FOXN2: variants seen among roughly 807,000 people sequenced by gnomAD.
FOXN2 encodes the protein forkhead box N2, also known as forkhead box protein N2.
FOXN2 carries 19 observed loss-of-function variants against 41.2 expected under a neutral mutation model. That is an observed-to-expected ratio of 0.46 (90% confidence interval 0.32 to 0.68). The LOEUF (loss-of-function observed/expected upper bound fraction) is 0.68, where lower values mean the gene tolerates loss of function less well. Ranked by LOEUF, FOXN2 falls within the 30% of genes least tolerant of loss-of-function variation. FOXN2 has a pLI of 0.03. For synonymous variants in FOXN2, 195 were observed against 176.8 expected (o/e 1.10, Z -0.82); for missense variants, 587 against 509.4 (o/e 1.15, Z -1.47).
chr2:48,331,277 A>G (rs936448114), intron 2 of FOXN2, among the ~76,000 whole-genome samples: 1 of 152,204 alleles, frequency 6.6e-6, no homozygotes, highest in Non-Finnish European at 1.5e-5. Context: ...AATATAATGG[A>G]TGAAATATAA....
intron 2 of FOXN2, among the ~76,000 whole-genome samples, chr2:48,339,321 G>A (rs1005295862): frequency 6.6e-6 from 1 of 152,142 alleles, no homozygotes; most frequent in African/African-American, 2.4e-5. Flanking sequence ...TGTGGGAGGT[G>A]ATTAGATCAT....
At chr2:48,347,233 T>G (rs916454285) in intron 3 of FOXN2, among the ~76,000 whole-genome samples, 4 of 142,816 alleles carry the variant, frequency 2.8e-5, no homozygotes, top group Non-Finnish European at 3.1e-5. Context: ...TTTTTTTTTT[T>G]TTTTTTTTTT....
At chr2:48,333,839 A>G (rs995635304) in intron 2 of FOXN2, among the ~76,000 whole-genome samples, 1 of 152,122 alleles carries the variant, frequency 6.6e-6, no homozygotes, top group African/African-American at 2.4e-5. Flanking sequence ...CCACAGAAAT[A>G]TTAACATAGT....
At chr2:48,365,970 A>G (rs976128542) in intron 5 of FOXN2, among the ~76,000 whole-genome samples, 2 of 152,212 alleles carry the variant, frequency 1.3e-5, no homozygotes, top group African/African-American at 4.8e-5. Context: ...ATTCATTACA[A>G]CTAATACTGT....
At chr2:48,344,876 A>G (rs2104362549) in intron 2 of FOXN2, among the ~76,000 whole-genome samples, 1 of 143,434 alleles carries the variant, frequency 7.0e-6, no homozygotes, top group East Asian at 2.3e-4. Context: ...ACACAAGCAT[A>G]AGTGGGTTGA....
chr2:48,342,792 AAC>A (rs1320449250), intron 2 of FOXN2, among the ~76,000 whole-genome samples: 3 of 152,176 alleles, frequency 2.0e-5, no homozygotes, highest in African/African-American at 7.2e-5. Context: ...CCTTCTTGAA[AAC>A]ACAATGACAG....
intron 2 of FOXN2, among the ~76,000 whole-genome samples, chr2:48,329,581 C>T (rs890131340): frequency 2.0e-5 from 3 of 152,064 alleles, no homozygotes; most frequent in African/African-American, 7.2e-5. Context: ...TGCTGTGTCA[C>T]CTAAATCTGT....
chr2:48,374,682 A>G (rs1174569513), intron 6 of FOXN2, among the ~76,000 whole-genome samples: 1 of 152,206 alleles, frequency 6.6e-6, no homozygotes, highest in Non-Finnish European at 1.5e-5. Context: ...CATTCCTTGT[A>G]AGCAATTCAA....
chr2:48,376,545 A>G lies in FOXN2; in HGVS notation c.*1102A>G, dbSNP rs1344169689. On this transcript the variant is annotated 3_prime_UTR_variant, in exon 7 of 7. Transcript: ENST00000340553. ...TACCTTCATGAATTTCAAAATTCATATAAAATTTGATCTTATGCAATACAC... is the reference window on the plus strand; with the variant it reads ...TACCTTCATGAATTTCAAAATTCATGTAAAATTTGATCTTATGCAATACAC... 6.6e-6 allele frequency: 1 copy of G among 152,546 alleles called. No individual in the cohort carries two copies. Among genetic ancestry groups the G allele is most frequent in the Non-Finnish European group, 1.5e-5 (1 of 67,962 alleles). 9.4% of individuals were successfully genotyped at this position (152,546 alleles called of 1,614,324 possible).
At chr2:48,317,886 C>T (rs186282887) in intron 1 of FOXN2, among the ~76,000 whole-genome samples, 8 of 151,974 alleles carry the variant, frequency 5.3e-5, no homozygotes, top group African/African-American at 1.9e-4. Flanking sequence ...GGATTACAGG[C>T]GGGAACCACC....
At chr2:48,361,186 G>A (rs528086495) in intron 4 of FOXN2, among the ~76,000 whole-genome samples, 22 of 152,088 alleles carry the variant, frequency 1.4e-4, no homozygotes, top group Non-Finnish European at 2.8e-4. Flanking sequence ...AAAAACTATG[G>A]TCAGGTGAGG....
chr2:48,342,022 A>G (rs1670807325), intron 2 of FOXN2, among the ~76,000 whole-genome samples: 1 of 152,238 alleles, frequency 6.6e-6, no homozygotes. Flanking sequence ...AAATGGAAAT[A>G]CTACATCTAA....
chr2:48,369,694 A>T (rs1245427120), intron 5 of FOXN2, among the ~76,000 whole-genome samples: 1 of 152,046 alleles, frequency 6.6e-6, no homozygotes, highest in Non-Finnish European at 1.5e-5. Flanking sequence ...TTATAAAATT[A>T]GAAACAAGGT....
chr2:48,340,264 G>A (rs893591379), intron 2 of FOXN2, among the ~76,000 whole-genome samples: 3 of 152,244 alleles, frequency 2.0e-5, no homozygotes, highest in East Asian at 3.9e-4. Context: ...TTATGTTTTA[G>A]GTAATGCTGA....
chr2:48,348,064 G>T (rs530331418), intron 3 of FOXN2, among the ~76,000 whole-genome samples: 3 of 150,134 alleles, frequency 2.0e-5, no homozygotes, highest in East Asian at 3.9e-4. Context: ...TCTTGCTTTG[G>T]GTTCTCAGTG....
At chr2:48,318,542 C>T (rs981528447) in intron 1 of FOXN2, among the ~76,000 whole-genome samples, 1 of 152,174 alleles carries the variant, frequency 6.6e-6, no homozygotes, top group African/African-American at 2.4e-5. Context: ...TGTGGAGTTT[C>T]GCCCACTTTC....
intron 1 of FOXN2, among the ~76,000 whole-genome samples, chr2:48,316,377 C>G (rs1668920952): frequency 6.6e-6 from 1 of 152,060 alleles, no homozygotes; most frequent in Non-Finnish European, 1.5e-5. Context: ...AATTTCAAAA[C>G]CATTAATGAG....
chr2:48,315,339 A>G (rs896771421), intron 1 of FOXN2, among the ~76,000 whole-genome samples: 6 of 152,126 alleles, frequency 3.9e-5, no homozygotes, highest in African/African-American at 1.4e-4. Context: ...GGCCCCGCCA[A>G]GTAGTGCACG....
chr2:48,347,533 TTGTG>T (rs113177559), intron 3 of FOXN2, among the ~76,000 whole-genome samples: 59 of 148,124 alleles, frequency 4.0e-4, no homozygotes, highest in Middle Eastern at 3.5e-3. Context: ...AGCCGAGGTG[TTGTG>T]TGTGTGTGTG....
Sources: gnomAD v4.1 joint callset for allele counts (sites outside exome capture counted in the v4.1 genomes callset) on GRCh38, gnomAD v4.1.1 for gene constraint, MANE v1.5 for transcripts, NCBI Gene and HGNC (gene_info 2026-07-23, HGNC 2026-07-21) for gene names.